The following UST variants were observed in gnomAD, a reference collection of about 807,000 sequenced individuals.
The protein encoded by UST is uronyl 2-sulfotransferase.
Under a neutral mutation model 45.6 loss-of-function variants are expected in UST, and 21 were observed. The ratio of observed to expected loss-of-function variants is 0.46; its 90% confidence interval spans 0.33 to 0.66. The LOEUF is 0.66. UST is among the 30% of genes least tolerant of loss of function. UST has a pLI of 0.02. For synonymous variants in UST, 215 were observed against 200.6 expected, an observed-to-expected ratio of 1.07 and a Z score of -0.61; for missense variants, 463 against 512.4, an observed-to-expected ratio of 0.90 and a Z score of 0.93.
intron 1 of UST, among the ~76,000 whole-genome samples, chr6:148,836,669 G>A (rs893089699): frequency 6.6e-6 from 1 of 152,168 alleles, no homozygotes; most frequent in African/African-American, 2.4e-5. Flanking sequence ...GGGTAAATGT[G>A]CCACTCTTTA....
intron 1 of UST, among the ~76,000 whole-genome samples, chr6:148,804,837 T>C (rs1777117001): frequency 6.7e-6 from 1 of 149,800 alleles, no homozygotes; most frequent in Non-Finnish European, 1.5e-5. Context: ...TAAATATATA[T>C]ATACTTCATT....
At chr6:148,805,942 C>T (rs545567143) in intron 1 of UST, among the ~76,000 whole-genome samples, 7 of 152,268 alleles carry the variant, frequency 4.6e-5, no homozygotes, top group Admixed American at 2.6e-4. Flanking sequence ...AAGCAACTGT[C>T]GGTCTTTTTC....
At chr6:148,887,177 G>A (rs1035598027) in intron 2 of UST, 148 bp downstream of exon 2, 1 of 676,160 alleles carries the variant, frequency 1.5e-6, no homozygotes, top group Non-Finnish European at 2.5e-6. Flanking sequence ...TTCTAACAAG[G>A]AGGAAGCAGA....
intron 1 of UST, among the ~76,000 whole-genome samples, chr6:148,809,322 T>C (rs1344570850): frequency 1.2e-5 from 1 of 85,650 alleles, no homozygotes; most frequent in Admixed American, 1.0e-4. Context: ...TAGTTTTTTG[T>C]TTTTTTTTTT....
intron 5 of UST, among the ~76,000 whole-genome samples, chr6:148,975,365 C>T (rs1222607112): frequency 6.6e-6 from 1 of 152,138 alleles, no homozygotes; most frequent in East Asian, 1.9e-4. Context: ...ATAACAGATG[C>T]GAGGATGTGT....
intron 7 of UST, among the ~76,000 whole-genome samples, chr6:149,035,439 C>G: frequency 1.3e-5 from 2 of 152,202 alleles, no homozygotes; most frequent in South Asian, 4.1e-4. Context: ...GTCTGTCTTT[C>G]GTTTTAAGAG....
At chr6:148,944,817 C>G (rs1780202647) in intron 3 of UST, among the ~76,000 whole-genome samples, 1 of 152,178 alleles carries the variant, frequency 6.6e-6, no homozygotes, top group African/African-American at 2.4e-5. Context: ...TGCCCTAAAA[C>G]TAGATTTCAG....
chr6:148,762,256 A>G (rs1371922301), intron 1 of UST, among the ~76,000 whole-genome samples: 1 of 152,222 alleles, frequency 6.6e-6, no homozygotes, highest in Admixed American at 6.5e-5. Context: ...GATATCAGTG[A>G]TAATATTTTG....
chr6:148,865,344 T>C (rs1778404942), intron 1 of UST, among the ~76,000 whole-genome samples: 1 of 152,332 alleles, frequency 6.6e-6, no homozygotes, highest in Non-Finnish European at 1.5e-5. Flanking sequence ...CTTTTGGGCA[T>C]GGGGTCACCG....
chr6:148,938,024 G>A (rs573813472), intron 2 of UST, among the ~76,000 whole-genome samples: 7 of 152,288 alleles, frequency 4.6e-5, no homozygotes, highest in African/African-American at 1.2e-4. Context: ...TGTAATTGTT[G>A]CCAATGAACA....
At chr6:148,974,289 A>G (rs1015021771) in intron 5 of UST, among the ~76,000 whole-genome samples, 4 of 150,170 alleles carry the variant, frequency 2.7e-5, no homozygotes, top group African/African-American at 7.4e-5. Context: ...CCTGAAATGC[A>G]GTTGAAAGTT....
intron 1 of UST, among the ~76,000 whole-genome samples, chr6:148,754,363 T>G (rs1776056322): frequency 6.6e-6 from 1 of 152,142 alleles, no homozygotes; most frequent in Non-Finnish European, 1.5e-5. Context: ...GTTACGTGAG[T>G]AAGTTCTTTA....
intron 2 of UST, among the ~76,000 whole-genome samples, chr6:148,924,499 A>T (rs1779773984): frequency 1.3e-5 from 2 of 152,210 alleles, no homozygotes. Context: ...GAGGACACTG[A>T]AGACGGTTTT....
intron 4 of UST, among the ~76,000 whole-genome samples, chr6:148,959,448 G>A (rs114791125): frequency 1.6e-3 from 244 of 152,294 alleles, no homozygotes; most frequent in African/African-American, 5.6e-3. Context: ...TAAATACAGC[G>A]CAGAAGTTCC....
intron 1 of UST, among the ~76,000 whole-genome samples, chr6:148,820,968 C>CTTT (rs71007920): frequency 6.2e-4 from 57 of 91,228 alleles, no homozygotes; most frequent in Admixed American, 7.9e-4. Flanking sequence ...TTTTTAATTC[C>CTTT]TTTTTTTTTT....
At chr6:148,905,788 A>G (rs1223184355) in intron 2 of UST, among the ~76,000 whole-genome samples, 2 of 152,338 alleles carry the variant, frequency 1.3e-5, no homozygotes, top group East Asian at 3.9e-4. Flanking sequence ...CTCCTCTAAG[A>G]GGAAGGCAGC....
chr6:148,823,444 C>G (rs1777504867), intron 1 of UST, among the ~76,000 whole-genome samples: 2 of 152,172 alleles, frequency 1.3e-5, no homozygotes, highest in Non-Finnish European at 1.5e-5. Flanking sequence ...CTCCAGAGAA[C>G]AGTTGCCCTC....
chr6:148,949,525 A>T (rs1780322822), intron 3 of UST, among the ~76,000 whole-genome samples: 1 of 151,928 alleles, frequency 6.6e-6, no homozygotes, highest in Non-Finnish European at 1.5e-5. Context: ...AGTCTGTTTG[A>T]TGGTGTTATG....
chr6:149,030,472 TCTACC>T (rs1169262253), intron 7 of UST, among the ~76,000 whole-genome samples: 1 of 64,254 alleles, frequency 1.6e-5, no homozygotes, highest in Non-Finnish European at 3.3e-5. Flanking sequence ...AGATCCTGTT[TCTACC>T]AAAAAAAAAA....
Sources: allele counts gnomAD v4.1 joint callset (sites outside exome capture counted in the v4.1 genomes callset), GRCh38; gene constraint gnomAD v4.1.1; transcripts MANE v1.5; gene names NCBI Gene and HGNC (gene_info 2026-07-23, HGNC 2026-07-21).